Variants in ADAMTSL3 observed in about 807,000 individuals in gnomAD.
ADAMTSL3 encodes the protein ADAMTS-like protein 3.
ADAMTSL3 carries 128 observed loss-of-function variants against 201.7 expected under a neutral mutation model. The observed-to-expected ratio is 0.63, with a 90% CI of 0.55 to 0.73. The LOEUF (loss-of-function observed/expected upper bound fraction) is 0.73. Among genes scored for constraint, ADAMTSL3 ranks in the 30% least tolerant of loss-of-function variants. The probability of loss-of-function intolerance (pLI) is 0.00; values close to 1 mark genes in which losing one functional copy is unlikely to be tolerated. For missense variants in ADAMTSL3, 1,990 were observed against 2,119.6 expected, an observed-to-expected ratio of 0.94 and a Z score of 1.20; for synonymous variants, 738 against 748.4, an observed-to-expected ratio of 0.99 and a Z score of 0.23.
At chr15:83,670,279 A>G (rs2141386633) in intron 2 of ADAMTSL3, among the ~76,000 whole-genome samples, 1 of 151,356 alleles carries the variant, frequency 6.6e-6, no homozygotes, top group East Asian at 1.9e-4. Context: ...AAAAAAAAAA[A>G]AAAAGAACAG....
chr15:83,674,188 CTA>C (rs2061362918), intron 2 of ADAMTSL3, among the ~76,000 whole-genome samples: 1 of 151,170 alleles, frequency 6.6e-6, no homozygotes, highest in East Asian at 1.9e-4. Context: ...AGATTTTCTC[CTA>C]TGTTTTCTTC....
At chr15:83,893,851 C>G (rs62025857) in intron 13 of ADAMTSL3, among the ~76,000 whole-genome samples, 19,368 of 152,138 alleles carry the variant, frequency 0.13, 1,527 homozygotes, top group Non-Finnish European at 0.17. Flanking sequence ...TAATCTTAAT[C>G]CTTTAATTTT....
intron 24 of ADAMTSL3, among the ~76,000 whole-genome samples, chr15:84,015,107 A>T (rs2068067819): frequency 6.6e-6 from 1 of 152,052 alleles, no homozygotes; most frequent in Non-Finnish European, 1.5e-5. Context: ...CACCATGCCC[A>T]GCTAATTTTT....
chr15:84,036,600 C>G (rs1354962698), intron 28 of ADAMTSL3, among the ~76,000 whole-genome samples, 173 bp from the exon 29 acceptor site: 2 of 152,220 alleles, frequency 1.3e-5, no homozygotes, highest in Non-Finnish European at 2.9e-5. Context: ...AATGTTGTCA[C>G]TGTCGTTCTA....
intron 2 of ADAMTSL3, among the ~76,000 whole-genome samples, chr15:83,698,261 G>C (rs1438858333): frequency 6.6e-6 from 1 of 152,002 alleles, no homozygotes; most frequent in Non-Finnish European, 1.5e-5. Flanking sequence ...ACAATGTGTA[G>C]ATCAAGGTCT....
At chr15:83,878,786 A>T (rs1292747040) in intron 9 of ADAMTSL3, among the ~76,000 whole-genome samples, 1 of 88,820 alleles carries the variant, frequency 1.1e-5, no homozygotes. Context: ...TTTTCTTGGA[A>T]TGCCTTTTTC....
chr15:83,975,094 C>T (rs1003591494), intron 20 of ADAMTSL3, among the ~76,000 whole-genome samples: 4 of 151,030 alleles, frequency 2.6e-5, no homozygotes, highest in Admixed American at 6.6e-5. Context: ...CTCTGCCTCC[C>T]GGGTTCACGC....
chr15:83,766,469 A>G (rs1408743696), intron 3 of ADAMTSL3, among the ~76,000 whole-genome samples: 1 of 152,212 alleles, frequency 6.6e-6, no homozygotes, highest in Non-Finnish European at 1.5e-5. Context: ...CTCTACTTGC[A>G]ATATAGAGGG....
intron 4 of ADAMTSL3, among the ~76,000 whole-genome samples, chr15:83,796,987 G>A (rs1249400167): frequency 6.7e-6 from 1 of 149,696 alleles, no homozygotes; most frequent in Non-Finnish European, 1.5e-5. Context: ...GATTTCTAGA[G>A]AGTGAAATAT....
chr15:83,801,679 T>TAA (rs2063526299), intron 4 of ADAMTSL3, among the ~76,000 whole-genome samples: 2 of 62,948 alleles, frequency 3.2e-5, no homozygotes, highest in Non-Finnish European at 7.0e-5. Flanking sequence ...TATATATATA[T>TAA]ATATATATAT....
intron 3 of ADAMTSL3, among the ~76,000 whole-genome samples, chr15:83,714,520 C>G (rs1168874339): frequency 6.6e-6 from 1 of 152,180 alleles, no homozygotes; most frequent in Non-Finnish European, 1.5e-5. Flanking sequence ...CCCTGCCATC[C>G]TCGTCTAACC....
At chr15:83,810,049 G>A (rs753787158) in intron 5 of ADAMTSL3, among the ~76,000 whole-genome samples, 10 of 152,076 alleles carry the variant, frequency 6.6e-5, no homozygotes, top group South Asian at 2.1e-4. Flanking sequence ...TTCTATCAAC[G>A]ATGAAGCTGA....
At chr15:83,681,747 T>A (rs1259402995) in intron 2 of ADAMTSL3, among the ~76,000 whole-genome samples, 5 of 152,186 alleles carry the variant, frequency 3.3e-5, no homozygotes, top group Non-Finnish European at 4.4e-5. Context: ...CTGCTGTCGG[T>A]GCATGGTAAG....
intron 23 of ADAMTSL3, among the ~76,000 whole-genome samples, chr15:83,991,504 C>T (rs2341): frequency 1.3e-5 from 2 of 152,056 alleles, no homozygotes; most frequent in African/African-American, 4.8e-5. Flanking sequence ...AACACTCTGT[C>T]CCTATGGGTA....
In ADAMTSL3 at chr15:84,037,735, G is replaced by A. The variant is rs1200848420; in HGVS notation, c.5005G>A (p.Val1669Ile). Residue 1669 changes from valine to isoleucine, a missense_variant, in exon 30 of 30, where the codon GTA (valine) becomes ATA (isoleucine). Transcript: ENST00000286744. Reference sequence around the variant, plus strand: ...AGACACAACTCACTACTGTATGTTTGTAAAACATCTTAATTTGTGTTCTCT... The same window carrying A: ...AGACACAACTCACTACTGTATGTTTATAAAACATCTTAATTTGTGTTCTCT... ...CTDTTHYCMF[V>I]KHLNLCSLDR... is the part of the protein sequence containing the mutation. 2 of 1,613,160 alleles carry A rather than the reference G, an allele frequency of 1.2e-6. No individual in the cohort carries two copies. Among genetic ancestry groups the A allele is most frequent in the South Asian group, 1.1e-5 (1 of 90,818 alleles).
At chr15:84,002,503 C>T (rs535744925) in intron 23 of ADAMTSL3, among the ~76,000 whole-genome samples, 1 of 152,298 alleles carries the variant, frequency 6.6e-6, no homozygotes, top group East Asian at 1.9e-4. Context: ...ACCCAAAAGG[C>T]CCCATATATT....
intron 2 of ADAMTSL3, among the ~76,000 whole-genome samples, chr15:83,680,972 C>T (rs1567068046): frequency 2.0e-5 from 3 of 152,042 alleles, no homozygotes; most frequent in Non-Finnish European, 4.4e-5. Flanking sequence ...TTACAGATTA[C>T]ATTATTATTA....
At chr15:83,926,211 C>A (rs1383590838) in intron 17 of ADAMTSL3, among the ~76,000 whole-genome samples, 1 of 151,998 alleles carries the variant, frequency 6.6e-6, no homozygotes, top group Non-Finnish European at 1.5e-5. Context: ...GTGCTCTGGG[C>A]AGAGGGAACA....
chr15:84,013,144 C>T (rs2141890320), intron 23 of ADAMTSL3, among the ~76,000 whole-genome samples: 1 of 152,286 alleles, frequency 6.6e-6, no homozygotes, highest in African/African-American at 2.4e-5. Context: ...CCTCCAAAGC[C>T]ACACAATGAC....
Sources: allele counts gnomAD v4.1 joint callset (sites outside exome capture counted in the v4.1 genomes callset), GRCh38; gene constraint gnomAD v4.1.1; transcripts MANE v1.5; gene names NCBI Gene and HGNC (gene_info 2026-07-23, HGNC 2026-07-21).